Variants in KDM2A observed in about 807,000 individuals in gnomAD.
The protein encoded by KDM2A is lysine demethylase 2A.
A neutral mutation model predicts 137.3 loss-of-function variants in KDM2A; 3 were observed. The ratio of observed to expected loss-of-function variants is 0.02; its 90% CI spans 0.01 to 0.06. The LOEUF is 0.06. Among genes scored for constraint, KDM2A ranks in the 10% least tolerant of loss-of-function variants. KDM2A has a pLI of 1.00. For missense variants in KDM2A, 738 were observed against 1,510.6 expected (o/e 0.49, Z 8.48); for synonymous variants, 512 against 541.5 (o/e 0.95, Z 0.76).
chr11:67,210,801 T>C (rs1200950148), intron 6 of KDM2A, among the ~76,000 whole-genome samples: 4 of 152,202 alleles, frequency 2.6e-5, no homozygotes. Context: ...AGTCACACAT[T>C]TCAAAATCTT....
chr11:67,161,606 A>C (rs150442151), intron 2 of KDM2A, among the ~76,000 whole-genome samples: 64 of 152,314 alleles, frequency 4.2e-4, no homozygotes, highest in African/African-American at 1.5e-3. Flanking sequence ...ATTTCATTTA[A>C]AAAATACACA....
chr11:67,129,203 C>G (rs1049330254), intron 2 of KDM2A, among the ~76,000 whole-genome samples: 2 of 152,354 alleles, frequency 1.3e-5, no homozygotes, highest in South Asian at 2.1e-4. Context: ...CAAATAAAAA[C>G]GTATGTGTAG....
At chr11:67,169,946 T>C (rs1449076071) in intron 2 of KDM2A, among the ~76,000 whole-genome samples, 2 of 150,614 alleles carry the variant, frequency 1.3e-5, no homozygotes, top group Non-Finnish European at 3.0e-5. Flanking sequence ...TTAGTAGAGA[T>C]GGGGTTTCAC....
At chr11:67,146,804 A>T (rs535593907) in intron 2 of KDM2A, among the ~76,000 whole-genome samples, 2 of 152,108 alleles carry the variant, frequency 1.3e-5, no homozygotes, top group Non-Finnish European at 2.9e-5. Context: ...TGCCTGGAAC[A>T]TTCTTTAATA....
chr11:67,147,435 A>C (rs1181336879), intron 2 of KDM2A, among the ~76,000 whole-genome samples: 1 of 151,606 alleles, frequency 6.6e-6, no homozygotes, highest in Non-Finnish European at 1.5e-5. Context: ...CCAGCTACTC[A>C]GGAGGTTAAG....
chr11:67,188,996 A>G (rs758089091), intron 5 of KDM2A, among the ~76,000 whole-genome samples: 19 of 152,190 alleles, frequency 1.2e-4, no homozygotes, highest in Non-Finnish European at 2.5e-4. Context: ...CCCCCTCTCA[A>G]TAATGGATAG....
chr11:67,153,941 T>C (rs993838633), intron 2 of KDM2A, among the ~76,000 whole-genome samples: 20 of 152,288 alleles, frequency 1.3e-4, no homozygotes, highest in African/African-American at 4.8e-4. Flanking sequence ...TTGAAAGTAA[T>C]TTGCATACAT....
intron 6 of KDM2A, among the ~76,000 whole-genome samples, chr11:67,210,089 G>A (rs139524793): frequency 2.2e-4 from 33 of 151,876 alleles, no homozygotes; most frequent in African/African-American, 7.2e-4. Flanking sequence ...AATAGAAGCC[G>A]AGCATGGTGG....
chr11:67,167,190 G>A (rs779127298), intron 2 of KDM2A, among the ~76,000 whole-genome samples: 2 of 152,214 alleles, frequency 1.3e-5, no homozygotes, highest in Non-Finnish European at 2.9e-5. Context: ...ATGTGCCTTA[G>A]ATATAACATC....
intron 2 of KDM2A, among the ~76,000 whole-genome samples, chr11:67,165,209 C>T (rs1856713312): frequency 6.6e-6 from 1 of 151,970 alleles, no homozygotes; most frequent in Admixed American, 6.6e-5. Flanking sequence ...GCATCCTCCA[C>T]CTTCTGGGTT....
At position 67,220,413 on chromosome 11, in the gene KDM2A, A is replaced by C. The variant is rs117052032; in HGVS notation, c.957+1010A>C. On this transcript the variant is annotated intron_variant, in intron 10 of 20. Coordinates refer to ENST00000529006, the MANE Select transcript of KDM2A (RefSeq NM_012308.3). ...AGAATAATTTGGTGTAATGGGGCTT[A>C]TCAACCCAAATTTCAGAACTTTAAA... 3.5e-4 allele frequency among the ~76,000 whole-genome samples: 53 copies of C among 152,302 alleles called. No individual in the cohort carries two copies. The East Asian group carries it at 8.3e-3, about 24-fold the overall frequency.
Position 67,245,783 on chromosome 11 carries a change from T to C in KDM2A, c.1834-202T>C. The C allele has an allele frequency of 1.6e-6, 1 of 633,300 alleles. No individual in the cohort carries two copies. Among genetic ancestry groups the C allele is most frequent in the South Asian group, 2.1e-5 (1 of 48,294 alleles). The allele number at this position is 633,300 out of a possible 1,614,324, so 39.2% of individuals were successfully genotyped here. A position where few individuals can be genotyped will look rare whatever the true frequency, so the allele number is the denominator to read the frequency against. ...TAGGCCAACTGAAAATAAACTAGTC[T>C]CTGGTGCCCAGGTGGTTGAGTCCTC... On this transcript the variant is annotated intron_variant, in intron 14 of 20. Transcript: ENST00000529006. The surrounding 1 kb of genome is among the most constrained non-coding windows in gnomAD (Gnocchi z 4.1).
chr11:67,139,854 A>C (rs1205729949), intron 2 of KDM2A, among the ~76,000 whole-genome samples: 1 of 151,416 alleles, frequency 6.6e-6, no homozygotes, highest in Non-Finnish European at 1.5e-5. Flanking sequence ...GATTAGAGGC[A>C]TGTGCTACCA....
Position 67,202,420 on chromosome 11 carries a change from G to T in KDM2A, c.308-5090G>T, listed in dbSNP as rs545572007. Among the ~76,000 whole-genome samples, 34 of 152,272 alleles carry T rather than the reference G, an allele frequency of 2.2e-4. 1 individual carries two copies. The South Asian group carries it at 5.6e-3, about 25-fold the overall frequency. ...ATCAAACAGCATTGCATGCTACAGAGAAGTCTCTTTGTGAAAGGAAGTATC... is the reference window on the plus strand; with the variant it reads ...ATCAAACAGCATTGCATGCTACAGATAAGTCTCTTTGTGAAAGGAAGTATC... On this transcript the variant is annotated intron_variant, in intron 5 of 20. Transcript: ENST00000529006.
intron 2 of KDM2A, among the ~76,000 whole-genome samples, chr11:67,125,314 A>G (rs1280099935): frequency 6.6e-6 from 1 of 151,416 alleles, no homozygotes; most frequent in East Asian, 1.9e-4. Context: ...CCAGGTAGCT[A>G]GGACTACAGC....
intron 2 of KDM2A, among the ~76,000 whole-genome samples, chr11:67,177,705 GAAAA>G (rs1238640872): frequency 1.4e-5 from 2 of 144,094 alleles, no homozygotes; most frequent in Non-Finnish European, 3.1e-5. Context: ...TTAATATTAA[GAAAA>G]AAAAAAGTAG....
At chr11:67,169,749 C>CTT (rs1372653596) in intron 2 of KDM2A, among the ~76,000 whole-genome samples, 14 of 50,888 alleles carry the variant, frequency 2.8e-4, no homozygotes, top group Non-Finnish European at 6.0e-4. Flanking sequence ...CTCTCTCTCT[C>CTT]TCTCTCTCTC....
intron 5 of KDM2A, among the ~76,000 whole-genome samples, chr11:67,203,839 G>A (rs943801124): frequency 1.4e-5 from 2 of 147,072 alleles, no homozygotes; most frequent in East Asian, 2.0e-4. Flanking sequence ...TTGCTGTGTC[G>A]CCCAGGTCCG....
At chr11:67,221,961 A>G (rs980082398) in intron 10 of KDM2A, among the ~76,000 whole-genome samples, 22 of 151,694 alleles carry the variant, frequency 1.5e-4, no homozygotes, top group African/African-American at 4.6e-4. Context: ...AAAGATGTCT[A>G]TTCTAAAATA....
Sources: allele counts gnomAD v4.1 joint callset (sites outside exome capture counted in the v4.1 genomes callset), GRCh38; gene constraint gnomAD v4.1.1; non-coding constraint Gnocchi (gnomAD v3.1); transcripts MANE v1.5; gene names NCBI Gene and HGNC (gene_info 2026-07-23, HGNC 2026-07-21).